The following TRPM3 variants were observed in gnomAD, a reference collection of about 807,000 sequenced individuals.
TRPM3 encodes the protein long transient receptor potential channel 3.
Under a neutral mutation model 181.2 loss-of-function variants are expected in TRPM3, and 77 were observed. The observed-to-expected ratio is 0.42, with a 90% confidence interval of 0.35 to 0.51. The LOEUF (loss-of-function observed/expected upper bound fraction) is 0.51, where lower values mean the gene tolerates loss of function less well. TRPM3 is among the 20% of genes least tolerant of loss of function. TRPM3 has a pLI of 0.01. For missense variants in TRPM3, 1,759 were observed against 2,196.7 expected (o/e 0.80, Z 3.98); for synonymous variants, 745 against 796.4 (o/e 0.94, Z 1.09).
intron 1 of TRPM3, among the ~76,000 whole-genome samples, chr9:71,037,254 A>T (rs1304583463): frequency 6.6e-6 from 1 of 152,224 alleles, no homozygotes; most frequent in Non-Finnish European, 1.5e-5. Context: ...ATGGGTGCTT[A>T]GGTATATAAG....
intron 9 of TRPM3, among the ~76,000 whole-genome samples, chr9:70,643,425 A>G (rs2058367166): frequency 6.6e-6 from 1 of 152,204 alleles, no homozygotes; most frequent in Non-Finnish European, 1.5e-5. Flanking sequence ...CATAGCAGGA[A>G]GCAGTTATTG....
chr9:70,645,049 A>C (rs2058627404), intron 9 of TRPM3, among the ~76,000 whole-genome samples: 2 of 152,242 alleles, frequency 1.3e-5, no homozygotes, highest in African/African-American at 2.4e-5. Flanking sequence ...CTGCTCAAGG[A>C]AATAAGAGAG....
chr9:71,118,091 A>G (rs532680725), intron 1 of TRPM3, among the ~76,000 whole-genome samples: 1 of 152,222 alleles, frequency 6.6e-6, no homozygotes, highest in Non-Finnish European at 1.5e-5. Context: ...CTTGAAACAC[A>G]TAAGAATAAA....
At chr9:70,897,758 A>G (rs1198796916) in intron 1 of TRPM3, among the ~76,000 whole-genome samples, 1 of 152,132 alleles carries the variant, frequency 6.6e-6, no homozygotes, top group African/African-American at 2.4e-5. Flanking sequence ...TATGCTGATA[A>G]CCTATTAGTT....
intron 1 of TRPM3, among the ~76,000 whole-genome samples, chr9:71,082,492 C>T (rs1044473628): frequency 6.6e-6 from 1 of 152,068 alleles, no homozygotes; most frequent in Admixed American, 6.6e-5. Context: ...TAACTTCATT[C>T]TAGGTAAATA....
At chr9:71,395,582 C>T (rs2093171540) in intron 1 of TRPM3, among the ~76,000 whole-genome samples, 1 of 152,250 alleles carries the variant, frequency 6.6e-6, no homozygotes, top group Non-Finnish European at 1.5e-5. Flanking sequence ...ACATTGGTAC[C>T]AAAATAAAAG....
rs73463910 is a variant in TRPM3, at chr9:70,819,602, A to G, written c.973+8245T>C. Among the ~76,000 whole-genome samples the G allele has an allele frequency of 5.4e-3, 824 of 152,336 alleles. 10 individuals carry two copies. Among genetic ancestry groups the G allele is most frequent in the African/African-American group, 0.019 (779 of 41,574 alleles). ...TCCAAGCAAACTTTGAAAGTAGCAAAAGCACTGGTTATGGAAATCAAAACC... is the reference window on the plus strand; with the variant it reads ...TCCAAGCAAACTTTGAAAGTAGCAAGAGCACTGGTTATGGAAATCAAAACC... On this transcript the variant is annotated intron_variant, in intron 6 of 25. Transcript: ENST00000677713.
chr9:71,365,897 T>C (rs780518328), intron 1 of TRPM3, among the ~76,000 whole-genome samples: 35 of 151,818 alleles, frequency 2.3e-4, no homozygotes, highest in Admixed American at 6.6e-4. Context: ...TAAACCAATA[T>C]ACAGATAAAT....
At chr9:70,894,489 G>A (rs1217999029) in intron 1 of TRPM3, among the ~76,000 whole-genome samples, 1 of 152,028 alleles carries the variant, frequency 6.6e-6, no homozygotes, top group Admixed American at 6.5e-5. Flanking sequence ...CCATGCTGTT[G>A]GTACAAAGGC....
At chr9:71,151,527 C>G (rs1187885287) in intron 1 of TRPM3, among the ~76,000 whole-genome samples, 9 of 151,920 alleles carry the variant, frequency 5.9e-5, no homozygotes, top group Admixed American at 5.9e-4. Flanking sequence ...ATTGATAGAA[C>G]TTCTATGAAG....
chr9:70,846,460 T>G lies in TRPM3; in HGVS notation c.594A>C (p.Lys198Asn), dbSNP rs762490317. Residue 198 changes from lysine to asparagine, a missense_variant, in exon 4 of 26, where the codon AAA (lysine) becomes AAC (asparagine). This residue lies in a region of TRPM3 where 737 missense variants were observed against 957.4 expected (regional missense o/e 0.77). Coordinates refer to ENST00000677713, the MANE Select transcript of TRPM3 (RefSeq NM_001366145.2). ...GCCCTTTCCCAAAGACTTGCTTGAG[T>G]TTTGGCTGGAGTTCAAAGTTCTGCA... ...GGLQNFELQP[K>N]LKQVFGKGLI... 6.2e-7 allele frequency: 1 copy of G among 1,614,080 alleles called. No homozygotes were observed. The highest frequency in any genetic ancestry group is 8.5e-7 in the Non-Finnish European group (1 of 1,180,008).
At chr9:70,669,622 G>A (rs909339325) in intron 9 of TRPM3, among the ~76,000 whole-genome samples, 2 of 152,176 alleles carry the variant, frequency 1.3e-5, no homozygotes, top group African/African-American at 2.4e-5. Flanking sequence ...TATAATAGAT[G>A]AACCTTGAGG....
At chr9:71,113,561 G>A (rs1034685945) in intron 1 of TRPM3, among the ~76,000 whole-genome samples, 1 of 152,148 alleles carries the variant, frequency 6.6e-6, no homozygotes, top group African/African-American at 2.4e-5. Context: ...TAAACAAAGA[G>A]TGAGTCTGAC....
intron 6 of TRPM3, among the ~76,000 whole-genome samples, 188 bp from the exon 7 acceptor site, chr9:70,784,467 A>G (rs1376613498): frequency 1.3e-5 from 2 of 152,182 alleles, no homozygotes; most frequent in African/African-American, 4.8e-5. Context: ...TTTTCCCACC[A>G]GAAAGTCTAT....
At chr9:71,107,450 A>G (rs1352573008) in intron 1 of TRPM3, among the ~76,000 whole-genome samples, 2 of 152,138 alleles carry the variant, frequency 1.3e-5, no homozygotes, top group African/African-American at 2.4e-5. Flanking sequence ...CCAATGTGAA[A>G]ACATGTATCA....
intron 22 of TRPM3, among the ~76,000 whole-genome samples, chr9:70,565,490 G>A (rs1249859057): frequency 6.6e-6 from 1 of 152,002 alleles, no homozygotes; most frequent in Non-Finnish European, 1.5e-5. Flanking sequence ...ACAAGGTTTT[G>A]CCATGTTGGT....
chr9:70,932,230 T>C (rs1461050979), intron 1 of TRPM3, among the ~76,000 whole-genome samples: 1 of 152,136 alleles, frequency 6.6e-6, no homozygotes, highest in Admixed American at 6.5e-5. Context: ...CTCTTGGAGC[T>C]ACTGTTTTTT....
chr9:70,888,327 G>A (rs767364016), intron 1 of TRPM3, among the ~76,000 whole-genome samples: 3 of 151,224 alleles, frequency 2.0e-5, no homozygotes, highest in Non-Finnish European at 4.4e-5. Context: ...ATTAATGGGA[G>A]TTAGGAGTAT....
intron 1 of TRPM3, among the ~76,000 whole-genome samples, chr9:71,020,909 A>T (rs2097842263): frequency 6.6e-6 from 1 of 152,212 alleles, no homozygotes; most frequent in African/African-American, 2.4e-5. Flanking sequence ...ATATCTATGT[A>T]CTCAAATAGA....
Sources: gnomAD v4.1 joint callset for allele counts (sites outside exome capture counted in the v4.1 genomes callset) on GRCh38, gnomAD v4.1.1 for gene constraint, gnomAD v4.1.1 regional missense constraint, MANE v1.5 for transcripts, NCBI Gene and HGNC (gene_info 2026-07-23, HGNC 2026-07-21) for gene names.